Variants in LRIT2 observed in about 807,000 individuals in gnomAD.
LRIT2 encodes the protein leucine rich repeat, Ig-like and transmembrane domains 2.
Under a neutral mutation model 22.4 loss-of-function variants are expected in LRIT2, and 23 were observed. That is an observed-to-expected ratio of 1.03 (90% confidence interval 0.74 to 1.45). The LOEUF is 1.45. Ranked by LOEUF, LRIT2 falls within the 40% of genes most tolerant of loss-of-function variation. The pLI, the probability that LRIT2 is intolerant of heterozygous loss-of-function variation, is 0.00. For missense variants in LRIT2, 784 were observed against 665.6 expected, an observed-to-expected ratio of 1.18 and a Z score of -1.96; for synonymous variants, 291 against 267.1, an observed-to-expected ratio of 1.09 and a Z score of -0.87.
chr10:84,222,235 T>C lies in LRIT2; in HGVS notation c.1338A>G (p.Val446=), dbSNP rs1329020093. 1.2e-6 allele frequency: 2 copies of C among 1,614,218 alleles called. No individual in the cohort carries two copies. The highest frequency in any genetic ancestry group is 3.3e-5 in the Admixed American group (2 of 60,030). Residue 446 remains valine, a synonymous_variant, in exon 3 of 3, where the codon GTA becomes GTG. Coordinates refer to ENST00000372113, the MANE Select transcript of LRIT2 (RefSeq NM_001017924.5). The part of the protein sequence containing the change: ...EGQPPHQGQC[V]AFVTGRDAGG... ...CAGCATCTCTGCCTGTTACAAAAGCTACACACTGGCCCTGGTGTGGAGGCT... is the reference window on the plus strand; with the variant it reads ...CAGCATCTCTGCCTGTTACAAAAGCCACACACTGGCCCTGGTGTGGAGGCT...
Position 84,222,654 on chromosome 10 carries a change from T to A in LRIT2, c.919A>T (p.Thr307Ser). 6.2e-7 allele frequency: 1 copy of A among 1,614,026 alleles called. No individual in the cohort carries two copies. Residue 307 changes from threonine (T) to serine (S), a missense_variant, in exon 3 of 3, where the codon ACT becomes TCT. Transcript: ENST00000372113. Reference protein sequence around the residue: ...DVLTSSTGEDTALSELAIPAA... With the variant: ...DVLTSSTGEDSALSELAIPAA... ...GGTATGGCCAGCTCTGACAGAGCAGTGTCTTCTCCAGTAGAAGATGTCAAC... is the reference window on the plus strand; with the variant it reads ...GGTATGGCCAGCTCTGACAGAGCAGAGTCTTCTCCAGTAGAAGATGTCAAC...
chr10:84,222,798 G>T (rs1253454295), intron 2 of LRIT2, 118 bp from the exon 3 acceptor site: 5 of 1,245,844 alleles, frequency 4.0e-6, no homozygotes, highest in South Asian at 3.8e-5. Flanking sequence ...GTTGTTAGAA[G>T]ATGGTGGTAA....
chr10:84,221,888 C>G lies in LRIT2; in HGVS notation c.*32G>C. On this transcript the variant is annotated 3_prime_UTR_variant, in exon 3 of 3. Coordinates refer to ENST00000372113, the MANE Select transcript of LRIT2 (RefSeq NM_001017924.5). ...AGGGTTGGTTTCAGAGGCTTGAAGC[C>G]CAAGCCGTTTCCACCCCATGGCCTG... 6.6e-7 allele frequency: 1 copy of G among 1,508,546 alleles called. No individual in the cohort carries two copies. The highest frequency in any genetic ancestry group is 8.9e-7 in the Non-Finnish European group (1 of 1,128,030). The allele number at this position is 1,508,546 out of a possible 1,614,324, so 93.4% of individuals were successfully genotyped here. A position where few individuals can be genotyped will look rare whatever the true frequency, so the allele number is the denominator to read the frequency against.
In LRIT2 at chr10:84,222,237, C is replaced by A; in HGVS notation, c.1336G>T (p.Val446Leu). 6.2e-7 allele frequency: 1 copy of A among 1,614,240 alleles called. No homozygotes were observed. The highest frequency in any genetic ancestry group is 8.5e-7 in the Non-Finnish European group (1 of 1,180,052). ...GCATCTCTGCCTGTTACAAAAGCTA[C>A]ACACTGGCCCTGGTGTGGAGGCTGG... ...EGQPPHQGQC[V>L]AFVTGRDAGG... Residue 446 changes from valine to leucine, a missense_variant, in exon 3 of 3, where the codon GTA becomes TTA. Transcript: ENST00000372113.
In LRIT2 at chr10:84,222,299, G is replaced by C; in HGVS notation, c.1274C>G (p.Pro425Arg). Residue 425 changes from proline to arginine, a missense_variant, in exon 3 of 3, where the codon CCT (proline) becomes CGT (arginine). Coordinates refer to ENST00000372113, the MANE Select transcript of LRIT2 (RefSeq NM_001017924.5). The stretch of plus-strand genomic sequence containing the variant: ...GAGGCAGGCCTCATATTTTGTGCCA[G>C]GAAGGAGGTCATCCACAGCATAAGT... ...INTYAVDDLL[P>R]GTKYEACLSL... 1.2e-6 allele frequency: 2 copies of C among 1,614,226 alleles called. No individual in the cohort carries two copies.
At chr10:84,224,268 A>C in intron 2 of LRIT2, 65 bp downstream of exon 2, 1 of 1,504,368 alleles carries the variant, frequency 6.6e-7, no homozygotes. Context: ...CTCTCTAATG[A>C]GGATGGGTTT....
At position 84,222,618 on chromosome 10, in the gene LRIT2, G is replaced by A; in HGVS notation, c.955C>T (p.Leu319=). 1 of 1,614,112 alleles carries A rather than the reference G, an allele frequency of 6.2e-7. No individual in the cohort carries two copies. The highest frequency in any genetic ancestry group is 8.5e-7 in the Non-Finnish European group (1 of 1,180,016). ...LSELAIPAAH[L]VDSGNYTCMA... ...CAGGTGTAATTACCACTGTCTACCAGGTGGGCAGCAGGTATGGCCAGCTCT... is the reference window on the plus strand; with the variant it reads ...CAGGTGTAATTACCACTGTCTACCAAGTGGGCAGCAGGTATGGCCAGCTCT... The change falls in exon 3 of 3, where the codon CTG becomes TTG. Residue 319 remains leucine, a synonymous_variant. Coordinates refer to ENST00000372113, the MANE Select transcript of LRIT2 (RefSeq NM_001017924.5).
In LRIT2 at chr10:84,224,705, A is replaced by T; in HGVS notation, c.520T>A (p.Trp174Arg). 11 of 1,614,190 alleles carry T rather than the reference A, an allele frequency of 6.8e-6. No individual in the cohort carries two copies. Among genetic ancestry groups the T allele is most frequent in the Non-Finnish European group, 9.3e-6 (11 of 1,180,026 alleles). ...TGCCGGCATTTCTGGTAGGCTGGCC[A>T]GTTCAGGAAGACACTCTTGGATACA... is the stretch of plus-strand genomic sequence containing the variant. The part of the protein sequence containing the change: ...TVVSKSVFLN[W>R]PAYQKCRQPD... Residue 174 changes from tryptophan to arginine, a missense_variant, in exon 2 of 3, where the codon TGG (tryptophan) becomes AGG (arginine). By Grantham distance (101) the Trp-to-Arg change is moderately radical (BLOSUM62 -3). Transcript: ENST00000372113.
chr10:84,222,780 T>A (rs1317601696), intron 2 of LRIT2, 100 bp from the exon 3 acceptor site: 1 of 1,414,714 alleles, frequency 7.1e-7, no homozygotes, highest in Admixed American at 1.9e-5. Context: ...TTGTTTTTTG[T>A]TATTGTTGTT....
Position 84,222,392 on chromosome 10 carries a change from A to C in LRIT2, c.1181T>G (p.Phe394Cys). Residue 394 changes from phenylalanine (F) to cysteine (C), a missense_variant, in exon 3 of 3, where the codon TTC (phenylalanine) becomes TGC (cysteine). Transcript: ENST00000372113. Reference sequence around the variant, plus strand: ...TTCATCCGATGCAATGTAGAGGGTGAACCACTCCTCCTTAGAGGTGTCAGC... The same window carrying C: ...TTCATCCGATGCAATGTAGAGGGTGCACCACTCCTCCTTAGAGGTGTCAGC... ...AVADTSKEEW[F>C]TLYIASDEAF... 6.2e-7 allele frequency: 1 copy of C among 1,614,142 alleles called. No individual in the cohort carries two copies.
chr10:84,223,178 C>G (rs143592168), intron 2 of LRIT2, among the ~76,000 whole-genome samples: 1 of 152,180 alleles, frequency 6.6e-6, no homozygotes, highest in Non-Finnish European at 1.5e-5. Context: ...CCTAATGGAG[C>G]TCCTATCCAG....
At position 84,224,713 on chromosome 10, in the gene LRIT2, A is replaced by G; in HGVS notation, c.512T>C (p.Phe171Ser). The G allele has an allele frequency of 6.2e-7, 1 of 1,614,148 alleles. No homozygotes were observed. The highest frequency in any genetic ancestry group is 8.5e-7 in the Non-Finnish European group (1 of 1,180,008). The change falls in exon 2 of 3, where the codon TTC becomes TCC. Residue 171 changes from phenylalanine to serine, a missense_variant. Physicochemically the swap from Phe to Ser is radical, Grantham distance 155. Coordinates refer to ENST00000372113, the MANE Select transcript of LRIT2 (RefSeq NM_001017924.5). ...NRLTVVSKSV[F>S]LNWPAYQKCR... ...TTTCTGGTAGGCTGGCCAGTTCAGG[A>G]AGACACTCTTGGATACAACTGTAAG...
chr10:84,225,154 G>A, intron 1 of LRIT2, 40 bp from the exon 2 acceptor site: 2 of 1,546,882 alleles, frequency 1.3e-6, no homozygotes, highest in East Asian at 2.3e-5. Context: ...TAAACAACAG[G>A]GGACTGAAAA....
intron 1 of LRIT2, 123 bp from the exon 2 acceptor site, chr10:84,225,237 AG>A (rs774805775): frequency 2.8e-5 from 34 of 1,211,304 alleles, no homozygotes; most frequent in Non-Finnish European, 3.9e-5. Flanking sequence ...GAAATAAAAG[AG>A]TTAGACTCAT....
In LRIT2 at chr10:84,224,353, C is replaced by G. The variant is rs146707752; in HGVS notation, c.872G>C (p.Ser291Thr). ...CTTACCATCAAATTCTCTCCACATA[C>G]TCAGGGGATAAGTCCATGCAATGGA... is the stretch of plus-strand genomic sequence containing the variant. ...SPSIAWTYPL[S>T]MWREFDVLTS... The change falls in exon 2 of 3, where the codon AGT becomes ACT. Residue 291 changes from serine (S) to threonine (T), a missense_variant. Ser to Thr is a moderately conservative substitution (Grantham distance 58). Transcript: ENST00000372113. 4 of 1,612,992 alleles carry G rather than the reference C, an allele frequency of 2.5e-6. No individual in the cohort carries two copies. Among genetic ancestry groups the G allele is most frequent in the Non-Finnish European group, 3.4e-6 (4 of 1,179,568 alleles).
rs1842493075 is a variant in LRIT2, at chr10:84,220,654, G to T, written c.*1266C>A. The T allele has an allele frequency of 6.6e-6, 1 of 152,168 alleles. No individual in the cohort carries two copies. The highest frequency in any genetic ancestry group is 6.5e-5 in the Admixed American group (1 of 15,270). 9.4% of individuals were successfully genotyped at this position (152,168 alleles called of 1,614,324 possible). A position where few individuals can be genotyped will look rare whatever the true frequency, so the allele number is the denominator to read the frequency against. ...AACACAATCCAGGTATTAGACGAGT[G>T]CAGTGGCCACCGTGAGGAAGGTCAG... On this transcript the variant is annotated 3_prime_UTR_variant, in exon 3 of 3. Coordinates refer to ENST00000372113, the MANE Select transcript of LRIT2 (RefSeq NM_001017924.5).
chr10:84,222,692 GAA>G lies in LRIT2; in HGVS notation c.893-14_893-13del, dbSNP rs1416167817. ...AGAAGATGTCAACACTGGGTGGAAA[GAA>G]AAACAAAACAGCTGTGCATTTATCT... is the stretch of plus-strand genomic sequence containing the variant. On this transcript the variant is annotated splice_polypyrimidine_tract_variant and intron_variant, in intron 2 of 2. Coordinates refer to ENST00000372113, the MANE Select transcript of LRIT2 (RefSeq NM_001017924.5). The G allele has an allele frequency of 6.2e-7, 1 of 1,612,052 alleles. No homozygotes were observed. Among genetic ancestry groups the G allele is most frequent in the Non-Finnish European group, 8.5e-7 (1 of 1,178,348 alleles).
Position 84,222,257 on chromosome 10 carries a change from G to C in LRIT2, c.1316C>G (p.Pro439Arg). The change falls in exon 3 of 3, where the codon CCT (proline) becomes CGT (arginine). Residue 439 changes from proline to arginine, a missense_variant. Coordinates refer to ENST00000372113, the MANE Select transcript of LRIT2 (RefSeq NM_001017924.5). Reference sequence around the variant, plus strand: ...AGCTACACACTGGCCCTGGTGTGGAGGCTGGCCCTCTAGGCTGAGGCAGGC... The same window carrying C: ...AGCTACACACTGGCCCTGGTGTGGACGCTGGCCCTCTAGGCTGAGGCAGGC... Reference protein sequence around the residue: ...YEACLSLEGQPPHQGQCVAFV... With the variant: ...YEACLSLEGQRPHQGQCVAFV... 1.2e-6 allele frequency: 2 copies of C among 1,614,232 alleles called. No homozygotes were observed. The highest frequency in any genetic ancestry group is 1.7e-6 in the Non-Finnish European group (2 of 1,180,046).
chr10:84,224,994 G>T lies in LRIT2; in HGVS notation c.231C>A (p.Asn77Lys), dbSNP rs1335243355. The change falls in exon 2 of 3, where the codon AAC (asparagine) becomes AAA (lysine). Residue 77 changes from asparagine to lysine, a missense_variant. Asn to Lys is a moderately conservative substitution (Grantham distance 94). Transcript: ENST00000372113. ...GCCAGAGGTATTCCAAGGTGCTCAT[G>T]TTGATGAAAGACCCTTGGGGCATCT... ...LFEMPQGSFI[N>K]MSTLEYLWLN... 1 of 1,614,136 alleles carries T rather than the reference G, an allele frequency of 6.2e-7. No individual in the cohort carries two copies. Among genetic ancestry groups the T allele is most frequent in the South Asian group, 1.1e-5 (1 of 91,080 alleles).
Sources: allele counts gnomAD v4.1 joint callset (sites outside exome capture counted in the v4.1 genomes callset), GRCh38; gene constraint gnomAD v4.1.1; transcripts MANE v1.5; gene names NCBI Gene and HGNC (gene_info 2026-07-23, HGNC 2026-07-21).